The following SCUBE1 variants were observed in gnomAD, a reference collection of about 807,000 sequenced individuals.
SCUBE1 encodes the protein signal peptide, CUB domain and EGF like domain containing 1, also known as signal peptide, CUB and EGF-like domain-containing protein 1.
SCUBE1 carries 59 observed loss-of-function variants against 124.4 expected under a neutral mutation model. That is an observed-to-expected ratio of 0.47 (90% CI 0.38 to 0.59). The LOEUF is 0.59. Among genes scored for constraint, SCUBE1 ranks in the 20% least tolerant of loss-of-function variants. The pLI, the probability that SCUBE1 is intolerant of heterozygous loss-of-function variation, is 0.00. For synonymous variants in SCUBE1, 545 were observed against 550.9 expected (o/e 0.99, Z 0.15); for missense variants, 1,150 against 1,371.2 (o/e 0.84, Z 2.55).
chr22:43,219,605 C>G (rs904113261), intron 14 of SCUBE1, among the ~76,000 whole-genome samples: 1 of 152,028 alleles, frequency 6.6e-6, no homozygotes, highest in Non-Finnish European at 1.5e-5. Context: ...TCCTGAGTAG[C>G]TGGGATTACA....
chr22:43,312,605 G>T (rs1221135477), intron 3 of SCUBE1, among the ~76,000 whole-genome samples: 2 of 152,216 alleles, frequency 1.3e-5, no homozygotes, highest in Non-Finnish European at 2.9e-5. Flanking sequence ...GTAAGACAAG[G>T]TCCCAAGGGT....
At chr22:43,256,677 T>C (rs1345938755) in intron 6 of SCUBE1, among the ~76,000 whole-genome samples, 9 of 152,206 alleles carry the variant, frequency 5.9e-5, no homozygotes, top group Admixed American at 5.9e-4. Context: ...AGACACAGGC[T>C]GGGTGCGTCT....
intron 1 of SCUBE1, 34 bp downstream of exon 1, chr22:43,343,140 C>A: frequency 1.8e-6 from 2 of 1,097,256 alleles, no homozygotes; most frequent in Non-Finnish European, 2.2e-6. Flanking sequence ...GAGCCCCCCG[C>A]GCCCGCCGCC....
intron 3 of SCUBE1, among the ~76,000 whole-genome samples, chr22:43,295,141 C>T (rs1324683589): frequency 6.6e-6 from 1 of 152,160 alleles, no homozygotes; most frequent in African/African-American, 2.4e-5. Context: ...AGTCCGATGG[C>T]GGTAGTGACG....
intron 3 of SCUBE1, among the ~76,000 whole-genome samples, chr22:43,315,382 C>G (rs538503019): frequency 3.3e-5 from 5 of 152,292 alleles, no homozygotes; most frequent in East Asian, 1.9e-4. Flanking sequence ...TCTTCAAACT[C>G]CAAGCCCAGC....
intron 10 of SCUBE1, among the ~76,000 whole-genome samples, chr22:43,226,106 G>T (rs1922291287): frequency 6.6e-6 from 1 of 152,142 alleles, no homozygotes; most frequent in African/African-American, 2.4e-5. Context: ...TTTACTCTGT[G>T]TCTGTGATTG....
At chr22:43,299,141 T>C (rs1450460836) in intron 3 of SCUBE1, among the ~76,000 whole-genome samples, 5 of 151,990 alleles carry the variant, frequency 3.3e-5, no homozygotes, top group Admixed American at 6.6e-5. Flanking sequence ...TTTTGGGCCT[T>C]GGTTTCCTTC....
intron 4 of SCUBE1, among the ~76,000 whole-genome samples, chr22:43,278,712 G>A (rs111895919): frequency 3.3e-5 from 5 of 152,330 alleles, no homozygotes; most frequent in African/African-American, 1.2e-4. Flanking sequence ...ATTGGCCTCA[G>A]AATCCAGCCC....
intron 4 of SCUBE1, among the ~76,000 whole-genome samples, chr22:43,285,071 C>A (rs1925083475): frequency 6.6e-6 from 1 of 152,168 alleles, no homozygotes. Context: ...TCAGGCTGCC[C>A]CACGGCCTGT....
intron 1 of SCUBE1, among the ~76,000 whole-genome samples, chr22:43,340,521 C>T (rs1201035733): frequency 7.0e-6 from 1 of 143,430 alleles, no homozygotes; most frequent in Non-Finnish European, 1.5e-5. Flanking sequence ...CACACACACA[C>T]ACACACACAC....
At chr22:43,204,903 C>T (rs1049278641) in intron 21 of SCUBE1, among the ~76,000 whole-genome samples, 9 of 149,848 alleles carry the variant, frequency 6.0e-5, no homozygotes, top group African/African-American at 9.9e-5. Context: ...GAGAGTGTGC[C>T]ACTGCACTCC....
intron 4 of SCUBE1, among the ~76,000 whole-genome samples, chr22:43,275,563 T>C (rs1427093582): frequency 2.0e-5 from 3 of 152,180 alleles, no homozygotes; most frequent in African/African-American, 7.2e-5. Flanking sequence ...GGCTGAACCA[T>C]TTCAAACACA....
intron 4 of SCUBE1, among the ~76,000 whole-genome samples, chr22:43,274,164 C>A (rs1415851314): frequency 2.0e-5 from 3 of 152,226 alleles, no homozygotes; most frequent in South Asian, 2.1e-4. Context: ...TCACTCACCT[C>A]CTGAGCTTTA....
chr22:43,257,675 G>A (rs1923712011), intron 6 of SCUBE1, among the ~76,000 whole-genome samples: 2 of 152,138 alleles, frequency 1.3e-5, no homozygotes, highest in South Asian at 4.1e-4. Flanking sequence ...CCCACGCAGG[G>A]CCCACACTGT....
intron 4 of SCUBE1, among the ~76,000 whole-genome samples, chr22:43,280,829 ACC>A: frequency 2.4e-5 from 2 of 83,244 alleles, no homozygotes; most frequent in African/African-American, 1.2e-4. Flanking sequence ...TCCTCCTGTC[ACC>A]TCCCTCTTTG....
intron 2 of SCUBE1, among the ~76,000 whole-genome samples, chr22:43,332,684 G>GCT (rs769452049): frequency 6.6e-6 from 1 of 152,164 alleles, no homozygotes; most frequent in South Asian, 2.1e-4. Context: ...CCTCAGACTA[G>GCT]CTCTCTCTCT....
In SCUBE1 at chr22:43,280,492, C is replaced by CT. The variant is rs767871082; in HGVS notation, c.484+10553_484+10554insA. ...CTCCCGTCCCTTCCCCTCACCCATC[C>CT]CCGTCCCTTCCCCTCACCCATCCTG... On this transcript the variant is annotated intron_variant, in intron 4 of 21. Transcript: ENST00000360835. Among the ~76,000 whole-genome samples the CT allele has an allele frequency of 5.6e-3, 237 of 42,048 alleles. 24 individuals carry two copies. Among genetic ancestry groups the CT allele is most frequent in the African/African-American group, 0.045 (175 of 3,920 alleles). The allele number at this position is 42,048 out of a possible 152,430, so 27.6% of individuals were successfully genotyped here.
At chr22:43,287,270 T>C (rs1254349379) in intron 4 of SCUBE1, among the ~76,000 whole-genome samples, 2 of 152,190 alleles carry the variant, frequency 1.3e-5, no homozygotes, top group Non-Finnish European at 2.9e-5. Context: ...AAGCCTGTGT[T>C]CTAAAGACCT....
At chr22:43,324,060 G>A (rs999882693) in intron 2 of SCUBE1, among the ~76,000 whole-genome samples, 1 of 152,178 alleles carries the variant, frequency 6.6e-6, no homozygotes, top group African/African-American at 2.4e-5. Context: ...TAAGGTCTGA[G>A]AAACGTCAGA....
Sources: gnomAD v4.1 joint callset for allele counts (sites outside exome capture counted in the v4.1 genomes callset) on GRCh38, gnomAD v4.1.1 for gene constraint, MANE v1.5 for transcripts, NCBI Gene and HGNC (gene_info 2026-07-23, HGNC 2026-07-21) for gene names.